Variants in ZFHX4 observed in about 807,000 individuals in gnomAD.
ZFHX4 encodes the protein zinc finger homeobox protein 4.
Under a neutral mutation model 267.6 loss-of-function variants are expected in ZFHX4, and 56 were observed. The ratio of observed to expected loss-of-function variants is 0.21; its 90% confidence interval spans 0.17 to 0.26. The LOEUF (loss-of-function observed/expected upper bound fraction) is 0.26, where lower values mean the gene tolerates loss of function less well. Ranked by LOEUF, ZFHX4 falls within the 10% of genes least tolerant of loss-of-function variation. The pLI, the probability that ZFHX4 is intolerant of heterozygous loss-of-function variation, is 1.00. For synonymous variants in ZFHX4, 1,778 were observed against 1,665.6 expected (o/e 1.07, Z -1.64); for missense variants, 4,332 against 4,420.0 (o/e 0.98, Z 0.56).
intron 3 of ZFHX4, among the ~76,000 whole-genome samples, chr8:76,749,067 G>A (rs897141394): frequency 6.6e-6 from 1 of 152,156 alleles, no homozygotes; most frequent in African/African-American, 2.4e-5. Flanking sequence ...AGTATTAAAG[G>A]AGGACTTTGT....
intron 3 of ZFHX4, among the ~76,000 whole-genome samples, chr8:76,770,253 C>T (rs1181467123): frequency 1.3e-5 from 2 of 152,126 alleles, no homozygotes; most frequent in Admixed American, 6.6e-5. Flanking sequence ...TCCTTTTCCC[C>T]CAACGTGTCC....
In ZFHX4 at chr8:76,712,277, A is replaced by C. The variant is rs112830824; in HGVS notation, c.3093+4229A>C. Among the ~76,000 whole-genome samples the C allele has an allele frequency of 5.2e-3, 796 of 152,256 alleles. 12 individuals carry two copies. The highest frequency in any genetic ancestry group is 0.018 in the African/African-American group (746 of 41,534). On this transcript the variant is annotated intron_variant, in intron 3 of 10. Transcript: ENST00000651372. ...TATGGATTAAAGAATCCTGGTTAAG[A>C]ACTAAAATCAAGGTGTTGGGGAGGC... is the stretch of plus-strand genomic sequence containing the variant.
chr8:76,744,218 T>G (rs1251189722), intron 3 of ZFHX4, among the ~76,000 whole-genome samples: 1 of 151,902 alleles, frequency 6.6e-6, no homozygotes. Context: ...TGGTGGTGCG[T>G]GCTTGTAGTC....
At chr8:76,769,408 G>A (rs1019283588) in intron 3 of ZFHX4, among the ~76,000 whole-genome samples, 1 of 151,302 alleles carries the variant, frequency 6.6e-6, no homozygotes, top group Admixed American at 6.6e-5. Flanking sequence ...GGAGTGCAGT[G>A]CCCTGATCAC....
intron 1 of ZFHX4, among the ~76,000 whole-genome samples, chr8:76,701,762 A>C (rs536762093): frequency 4.5e-4 from 68 of 152,282 alleles, no homozygotes; most frequent in Non-Finnish European, 7.1e-4. Flanking sequence ...AAGCTGTAAA[A>C]TGTTGAGGAG....
At chr8:76,765,409 G>C (rs557706132) in intron 3 of ZFHX4, among the ~76,000 whole-genome samples, 216 of 152,048 alleles carry the variant, frequency 1.4e-3, no homozygotes, top group Non-Finnish European at 2.6e-3. Context: ...AATTACAGAG[G>C]CTATAGCTTG....
intron 6 of ZFHX4, among the ~76,000 whole-genome samples, chr8:76,843,678 A>G (rs77663455): frequency 6.6e-6 from 1 of 152,152 alleles, no homozygotes; most frequent in Non-Finnish European, 1.5e-5. Flanking sequence ...AACGGGTTCA[A>G]GCCTATTAGT....
At chr8:76,809,364 C>A (rs375664742) in intron 4 of ZFHX4, among the ~76,000 whole-genome samples, 26 of 152,158 alleles carry the variant, frequency 1.7e-4, no homozygotes, top group African/African-American at 6.3e-4. Context: ...ATCTGTGTAG[C>A]TTCCCTTAGA....
intron 3 of ZFHX4, among the ~76,000 whole-genome samples, chr8:76,708,677 A>G (rs1283744150): frequency 1.3e-5 from 2 of 152,208 alleles, no homozygotes; most frequent in East Asian, 1.9e-4. Flanking sequence ...ACAATGCTTT[A>G]TACAATGGCA....
chr8:76,858,539 A>G (rs1337815437), intron 10 of ZFHX4, among the ~76,000 whole-genome samples: 1 of 152,216 alleles, frequency 6.6e-6, no homozygotes, highest in African/African-American at 2.4e-5. Flanking sequence ...AAACATTAAC[A>G]CAGCAGAATT....
intron 4 of ZFHX4, among the ~76,000 whole-genome samples, chr8:76,783,713 T>C (rs1348513836): frequency 6.6e-6 from 1 of 152,026 alleles, no homozygotes; most frequent in Non-Finnish European, 1.5e-5. Context: ...GAAACCCAGG[T>C]ATTACCTTGA....
At chr8:76,822,939 A>G (rs1176988243) in intron 4 of ZFHX4, among the ~76,000 whole-genome samples, 3 of 152,126 alleles carry the variant, frequency 2.0e-5, no homozygotes. Context: ...ATCTAGTCCC[A>G]TAAACTTATA....
intron 4 of ZFHX4, among the ~76,000 whole-genome samples, chr8:76,787,725 A>G (rs1810729942): frequency 6.6e-6 from 1 of 151,662 alleles, no homozygotes; most frequent in African/African-American, 2.4e-5. Context: ...AGGCAGGAGA[A>G]TGGCGTGAAC....
chr8:76,733,760 T>C (rs1372253016), intron 3 of ZFHX4, among the ~76,000 whole-genome samples: 1 of 152,192 alleles, frequency 6.6e-6, no homozygotes, highest in Non-Finnish European at 1.5e-5. Context: ...TTTAGTATCA[T>C]GGTCCCCAAA....
At chr8:76,819,753 T>A (rs1811599844) in intron 4 of ZFHX4, among the ~76,000 whole-genome samples, 1 of 152,210 alleles carries the variant, frequency 6.6e-6, no homozygotes, top group Non-Finnish European at 1.5e-5. Context: ...TTCTCCAATA[T>A]TCCATTTGGC....
intron 3 of ZFHX4, among the ~76,000 whole-genome samples, chr8:76,776,144 G>A (rs575562470): frequency 1.6e-4 from 25 of 151,976 alleles, no homozygotes; most frequent in Admixed American, 6.6e-4. Flanking sequence ...TGGAAAGGAG[G>A]CATACTGTGC....
In ZFHX4 at chr8:76,704,867, T is replaced by G; in HGVS notation, c.779T>G (p.Val260Gly). 1 of 1,614,208 alleles carries G rather than the reference T, an allele frequency of 6.2e-7. No individual in the cohort carries two copies. Among genetic ancestry groups the G allele is most frequent in the Non-Finnish European group, 8.5e-7 (1 of 1,180,032 alleles). The change falls in exon 2 of 11, where the codon GTG becomes GGG. Residue 260 changes from valine (V) to glycine (G), a missense_variant. Around this residue, in one of 7 missense-constraint regions of ZFHX4, gnomAD observed 1,195 missense variants for 1,173.6 expected, o/e 1.02. Transcript: ENST00000651372. ...SCVSKDVPNN[V>G]DLSKFDGCVS... ...GTGTCCAAAGATGTCCCTAACAATG[T>G]GGACTTGTCCAAATTCGATGGTTGT...
Position 76,801,857 on chromosome 8 carries a change from A to T in ZFHX4, c.3325+23418A>T, listed in dbSNP as rs1229410268. The stretch of plus-strand genomic sequence containing the variant: ...AAATATGCGTGGCAGTAAATGAAAA[A>T]CAACTCCAAACCTATTTCTCAACCT... On this transcript the variant is annotated intron_variant, in intron 4 of 10. Coordinates refer to ENST00000651372, the MANE Select transcript of ZFHX4 (RefSeq NM_024721.5). Among the ~76,000 whole-genome samples, 5 of 152,302 alleles carry T rather than the reference A, an allele frequency of 3.3e-5. No individual in the cohort carries two copies. The East Asian group carries it at 9.6e-4, about 29-fold the overall frequency.
chr8:76,727,525 A>G (rs543979992), intron 3 of ZFHX4, among the ~76,000 whole-genome samples: 31 of 152,290 alleles, frequency 2.0e-4, no homozygotes, highest in South Asian at 6.2e-4. Context: ...TGGTATCATT[A>G]TTCCTAAAAT....
Sources: gnomAD v4.1 joint callset for allele counts (sites outside exome capture counted in the v4.1 genomes callset) on GRCh38, gnomAD v4.1.1 for gene constraint, gnomAD v4.1.1 regional missense constraint, MANE v1.5 for transcripts, NCBI Gene and HGNC (gene_info 2026-07-23, HGNC 2026-07-21) for gene names.